The following ABLIM1 variants were observed in gnomAD, a reference collection of about 807,000 sequenced individuals.
ABLIM1 encodes actin binding LIM protein 1.
A neutral mutation model predicts 107.0 loss-of-function variants in ABLIM1; 40 were observed. The observed-to-expected ratio is 0.37, with a 90% CI of 0.29 to 0.49. ABLIM1 has a LOEUF of 0.49. ABLIM1 is among the 20% of genes least tolerant of loss of function. ABLIM1 has a pLI of 0.97. For synonymous variants in ABLIM1, 357 were observed against 357.3 expected, an observed-to-expected ratio of 1.00 and a Z score of 0.01; for missense variants, 857 against 1,008.5, an observed-to-expected ratio of 0.85 and a Z score of 2.04.
chr10:114,556,481 C>T (rs2068745823), intron 4 of ABLIM1, among the ~76,000 whole-genome samples: 1 of 152,182 alleles, frequency 6.6e-6, no homozygotes, highest in Non-Finnish European at 1.5e-5. Flanking sequence ...CATGCTTGAA[C>T]TGACCACTTG....
the ABLIM1 span, chr10:114,777,838 C>T: frequency 6.6e-6 from 1 of 152,280 alleles, no homozygotes; most frequent in Admixed American, 6.5e-5. Flanking sequence ...GTACTCCCCT[C>T]TCTCTGCAAT....
At chr10:114,626,024 A>G (rs1403125898) in intron 1 of ABLIM1, among the ~76,000 whole-genome samples, 2 of 152,252 alleles carry the variant, frequency 1.3e-5, no homozygotes, top group African/African-American at 4.8e-5. Flanking sequence ...TTTAGAAGTA[A>G]GCAGGGAGGA....
chr10:114,469,182 A>G (rs1194019428), intron 10 of ABLIM1, among the ~76,000 whole-genome samples: 1 of 152,148 alleles, frequency 6.6e-6, no homozygotes, highest in Non-Finnish European at 1.5e-5. Flanking sequence ...ATGATGAGTT[A>G]CAGCATCTAC....
At chr10:114,643,211 A>C (rs995107057) in intron 1 of ABLIM1, among the ~76,000 whole-genome samples, 2 of 152,218 alleles carry the variant, frequency 1.3e-5, no homozygotes, top group African/African-American at 4.8e-5. Context: ...GTTAGAGAGG[A>C]ATATGGAAAT....
chr10:114,776,235 T>C, the ABLIM1 span: 2 of 152,176 alleles, frequency 1.3e-5, no homozygotes, highest in African/African-American at 4.8e-5. Flanking sequence ...ATTCCATTTA[T>C]TTTTTCATAA....
intron 1 of ABLIM1, among the ~76,000 whole-genome samples, chr10:114,655,110 A>T (rs1019056185): frequency 5.3e-5 from 8 of 152,190 alleles, no homozygotes; most frequent in Non-Finnish European, 1.2e-4. Context: ...TTCCCTGCCT[A>T]CCTTAGGGAC....
chr10:114,600,079 T>C (rs1299872319), intron 2 of ABLIM1, among the ~76,000 whole-genome samples: 3 of 152,188 alleles, frequency 2.0e-5, no homozygotes, highest in Admixed American at 6.5e-5. Context: ...CCTGGGATGA[T>C]ACAAGTTTCA....
chr10:114,793,625 G>T, the ABLIM1 span, among the ~76,000 whole-genome samples: 5 of 152,158 alleles, frequency 3.3e-5, no homozygotes, highest in African/African-American at 1.2e-4. Flanking sequence ...TTCTTGCTGA[G>T]GCTGGGTGTC....
At chr10:114,775,289 G>C in the ABLIM1 span, among the ~76,000 whole-genome samples, 1 of 152,294 alleles carries the variant, frequency 6.6e-6, no homozygotes, top group Admixed American at 6.5e-5. Context: ...TACAATTCGA[G>C]ATGAGATTTG....
intron 1 of ABLIM1, among the ~76,000 whole-genome samples, chr10:114,730,637 T>C (rs1281098622): frequency 6.6e-6 from 1 of 152,138 alleles, no homozygotes; most frequent in East Asian, 1.9e-4. Context: ...ATATGATTTT[T>C]TCAACTTTCT....
At chr10:114,695,447 C>T (rs974138742) in intron 1 of ABLIM1, among the ~76,000 whole-genome samples, 1 of 152,160 alleles carries the variant, frequency 6.6e-6, no homozygotes, top group South Asian at 2.1e-4. Context: ...TTTCTCAAGA[C>T]CAAATTAAAT....
At chr10:114,471,895 T>C (rs1277458116) in intron 10 of ABLIM1, among the ~76,000 whole-genome samples, 1 of 151,968 alleles carries the variant, frequency 6.6e-6, no homozygotes, top group Non-Finnish European at 1.5e-5. Flanking sequence ...ATGATTCTAA[T>C]TCAAAAAATA....
At chr10:114,705,325 A>C (rs114495351) in intron 1 of ABLIM1, among the ~76,000 whole-genome samples, 1,733 of 152,304 alleles carry the variant, frequency 0.011, 28 homozygotes, top group African/African-American at 0.039. Flanking sequence ...TGAGGTTAGG[A>C]TACAAAACCC....
intron 1 of ABLIM1, among the ~76,000 whole-genome samples, chr10:114,726,808 C>T (rs2081970348): frequency 6.6e-6 from 1 of 151,924 alleles, no homozygotes; most frequent in Non-Finnish European, 1.5e-5. Context: ...AAGAACAGCA[C>T]CCAGGGGATG....
chr10:114,789,924 C>G, the ABLIM1 span, among the ~76,000 whole-genome samples: 5,395 of 152,176 alleles, frequency 0.035, 334 homozygotes, highest in African/African-American at 0.12. Flanking sequence ...TCTGGAGTAG[C>G]TGGATTTACA....
intron 6 of ABLIM1, among the ~76,000 whole-genome samples, chr10:114,530,481 G>GA (rs1277900565): frequency 6.6e-6 from 1 of 152,020 alleles, no homozygotes; most frequent in Non-Finnish European, 1.5e-5. Flanking sequence ...AACATTAACA[G>GA]AAAAAAATCA....
upstream of ABLIM1, among the ~76,000 whole-genome samples, chr10:114,772,481 C>G (rs186641048): frequency 6.9e-3 from 1,044 of 152,108 alleles, 4 homozygotes; most frequent in Non-Finnish European, 0.011. Context: ...GTGGCTTGTG[C>G]CTGTAGTCCC....
Position 114,473,135 on chromosome 10 carries a change from G to A in ABLIM1, c.1120-3C>T. The A allele has an allele frequency of 1.9e-6, 3 of 1,605,122 alleles. No individual in the cohort carries two copies. The highest frequency in any genetic ancestry group is 2.6e-6 in the Non-Finnish European group (3 of 1,174,988). On this transcript the variant is annotated splice_polypyrimidine_tract_variant and splice_region_variant and intron_variant, in intron 9 of 22. Coordinates refer to ENST00000533213, the MANE Select transcript of ABLIM1 (RefSeq NM_002313.7). ...AGGATCTCATTGTCTACTTTTGCCT[G>A]GCAAAGTTAACCAGAAAGAACAATT...
At chr10:114,796,365 C>T in the ABLIM1 span, among the ~76,000 whole-genome samples, 1 of 152,146 alleles carries the variant, frequency 6.6e-6, no homozygotes, top group Non-Finnish European at 1.5e-5. Flanking sequence ...TCTAAGCTCA[C>T]TCACATGGTT....
Sources: gnomAD v4.1 joint callset for allele counts (sites outside exome capture counted in the v4.1 genomes callset) on GRCh38, gnomAD v4.1.1 for gene constraint, MANE v1.5 for transcripts, NCBI Gene and HGNC (gene_info 2026-07-23, HGNC 2026-07-21) for gene names.